Variants in DMD observed in about 807,000 individuals in gnomAD.
DMD encodes mutant dystrophin.
In DMD, 63 loss-of-function variants were observed where a neutral mutation model predicts 330.1. The observed-to-expected ratio is 0.19, with a 90% CI of 0.16 to 0.24. The LOEUF (loss-of-function observed/expected upper bound fraction) is 0.24. Among genes scored for constraint, DMD ranks in the 10% least tolerant of loss-of-function variants. The probability of loss-of-function intolerance (pLI) is 1.00; values close to 1 mark genes in which losing one functional copy is unlikely to be tolerated. For missense variants in DMD, 3,344 were observed against 2,684.1 expected (o/e 1.25, Z -5.43); for synonymous variants, 1,223 against 959.8 (o/e 1.27, Z -5.07).
intron 55 of DMD, among the ~76,000 whole-genome samples, chrX:31,600,840 C>T (rs1299426497): frequency 9.5e-6 from 1 of 105,755 alleles, no homozygotes; most frequent in Non-Finnish European, 1.9e-5. Flanking sequence ...CTCTGAGAAA[C>T]CTCTCTCCCC....
rs781474406 is a variant in DMD at position 32,292,383 on chromosome X, C to A, written c.6118-4682G>T. On this transcript the variant is annotated intron_variant, in intron 42 of 78. Coordinates refer to ENST00000357033, the MANE Select transcript of DMD (RefSeq NM_004006.3). ...TGGTCTGATCTAGGCTCACTGCAAG[C>A]TCCGCCTCCCGGGTTTACTTACACC... 1.3e-3 allele frequency among the ~76,000 whole-genome samples: 124 copies of A among 94,533 alleles called. 1 individual carries two copies. The highest frequency in any genetic ancestry group is 4.9e-3 in the African/African-American group (117 of 23,990). The allele number at this position is 94,533 out of a possible 115,157, so 82.1% of individuals were successfully genotyped here. A position where few individuals can be genotyped will look rare whatever the true frequency, so the allele number is the denominator to read the frequency against.
intron 41 of DMD, among the ~76,000 whole-genome samples, chrX:32,327,751 C>T (rs1367995062): frequency 2.7e-5 from 3 of 110,679 alleles, no homozygotes; most frequent in African/African-American, 9.8e-5. Context: ...TCTATTCTGT[C>T]CAGAAAATTT....
chrX:31,702,469 G>A (rs1441953013), intron 52 of DMD, among the ~76,000 whole-genome samples: 1 of 111,785 alleles, frequency 8.9e-6, no homozygotes, highest in Non-Finnish European at 1.9e-5. Flanking sequence ...GGAGAAACAT[G>A]CAAATTATCC....
chrX:33,101,529 G>A (rs1442750271), intron 1 of DMD, among the ~76,000 whole-genome samples: 1 of 112,003 alleles, frequency 8.9e-6, no homozygotes, highest in Non-Finnish European at 1.9e-5. Flanking sequence ...TACTTGGGAA[G>A]CTAAGGCAGG....
At chrX:32,541,240 T>G (rs1273565721) in intron 17 of DMD, among the ~76,000 whole-genome samples, 1 of 111,103 alleles carries the variant, frequency 9.0e-6, no homozygotes, top group Non-Finnish European at 1.9e-5. Flanking sequence ...CTGTCGATAA[T>G]AGATGACTAC....
At chrX:32,047,650 A>T (rs922212448) in intron 44 of DMD, among the ~76,000 whole-genome samples, 3 of 111,401 alleles carry the variant, frequency 2.7e-5, no homozygotes, top group African/African-American at 6.5e-5. Flanking sequence ...TCATTTATTG[A>T]CACTTTTATC....
chrX:32,513,438 T>C (rs890044430), intron 18 of DMD, among the ~76,000 whole-genome samples: 12 of 112,324 alleles, frequency 1.1e-4, no homozygotes, highest in Non-Finnish European at 5.6e-5. Context: ...AAGTAAGCCA[T>C]GATATTAGCT....
At chrX:31,268,867 A>G (rs1033442184) in intron 62 of DMD, among the ~76,000 whole-genome samples, 1 of 112,236 alleles carries the variant, frequency 8.9e-6, no homozygotes, top group African/African-American at 3.2e-5. Flanking sequence ...TTTGTTTTAC[A>G]CTTTTAAATT....
intron 51 of DMD, among the ~76,000 whole-genome samples, chrX:31,763,131 C>A (rs971665644): frequency 1.8e-5 from 2 of 112,324 alleles, no homozygotes; most frequent in African/African-American, 6.5e-5. Flanking sequence ...TTTCGAGGAC[C>A]AGAAAATAAC....
At chrX:33,018,198 T>C (rs942248109) in intron 2 of DMD, among the ~76,000 whole-genome samples, 3 of 111,905 alleles carry the variant, frequency 2.7e-5, no homozygotes, top group Admixed American at 9.6e-5. Flanking sequence ...TCCTGACACC[T>C]AGGATATGCT....
At chrX:33,090,947 T>A (rs1204549127) in intron 1 of DMD, among the ~76,000 whole-genome samples, 2 of 111,061 alleles carry the variant, frequency 1.8e-5, no homozygotes, top group South Asian at 3.7e-4. Flanking sequence ...AAGTAATTTG[T>A]CTGAGGTACT....
chrX:32,398,780 C>T (rs931257313), intron 30 of DMD, among the ~76,000 whole-genome samples: 1 of 111,073 alleles, frequency 9.0e-6, no homozygotes, highest in East Asian at 2.8e-4. Flanking sequence ...CCAGAATAGC[C>T]AAATATATCC....
intron 9 of DMD, among the ~76,000 whole-genome samples, chrX:32,695,911 G>T (rs183657707): frequency 8.9e-6 from 1 of 112,210 alleles, no homozygotes; most frequent in African/African-American, 3.2e-5. Context: ...AACCCGCTGA[G>T]TGTAGAGGCT....
At chrX:32,850,607 C>T (rs2081060580) in intron 2 of DMD, among the ~76,000 whole-genome samples, 1 of 111,370 alleles carries the variant, frequency 9.0e-6, no homozygotes, top group Non-Finnish European at 1.9e-5. Flanking sequence ...GGGGTAAAGC[C>T]AAAATTATGG....
chrX:31,926,196 G>A (rs1469491865), intron 47 of DMD, among the ~76,000 whole-genome samples: 2 of 111,214 alleles, frequency 1.8e-5, no homozygotes, highest in Admixed American at 9.6e-5. Flanking sequence ...CATTGTTAAA[G>A]GCTGTAAAAG....
At chrX:32,889,167 C>A (rs1176973786) in intron 2 of DMD, among the ~76,000 whole-genome samples, 1 of 110,547 alleles carries the variant, frequency 9.0e-6, no homozygotes, top group Non-Finnish European at 1.9e-5. Flanking sequence ...TATGTCAGAC[C>A]CAGGCAAGAA....
chrX:32,850,459 G>A (rs898252914), intron 2 of DMD, among the ~76,000 whole-genome samples: 12 of 111,616 alleles, frequency 1.1e-4, no homozygotes, highest in South Asian at 7.4e-4. Context: ...CATTTTTAAC[G>A]TAAATACTCA....
At chrX:32,326,959 T>C (rs1306377641) in intron 41 of DMD, among the ~76,000 whole-genome samples, 3 of 109,838 alleles carry the variant, frequency 2.7e-5, no homozygotes, top group East Asian at 2.9e-4. Context: ...ATTGAAATAA[T>C]TAAATTATCC....
chrX:32,429,079 A>T (rs185332965), intron 29 of DMD, among the ~76,000 whole-genome samples: 1 of 110,548 alleles, frequency 9.0e-6, no homozygotes, highest in African/African-American at 3.3e-5. Context: ...GTCTTTATGT[A>T]TTTCTTAAAA....
Sources: gnomAD v4.1 joint callset for allele counts (sites outside exome capture counted in the v4.1 genomes callset) on GRCh38, gnomAD v4.1.1 for gene constraint, MANE v1.5 for transcripts, NCBI Gene and HGNC (gene_info 2026-07-23, HGNC 2026-07-21) for gene names.